AGAP1: variants seen among roughly 807,000 people sequenced by gnomAD.
AGAP1 encodes ArfGAP with GTPase domain, ankyrin repeat and PH domain 1, also known as arf-GAP with GTPase, ANK repeat and PH domain-containing protein 1.
A neutral mutation model predicts 105.3 loss-of-function variants in AGAP1; 29 were observed. The observed-to-expected ratio is 0.28, with a 90% CI of 0.21 to 0.38. AGAP1 has a LOEUF of 0.38. AGAP1 is among the 10% of genes least tolerant of loss of function. The pLI is 1.00. For missense variants in AGAP1, 998 were observed against 1,165.1 expected, an observed-to-expected ratio of 0.86 and a Z score of 2.09; for synonymous variants, 509 against 485.9, an observed-to-expected ratio of 1.05 and a Z score of -0.63.
rs141440628 is a variant in AGAP1 at position 235,999,978 on chromosome 2, A to G, written c.1645+31355A>G. Among the ~76,000 whole-genome samples the G allele has an allele frequency of 6.4e-3, 973 of 152,258 alleles. 6 individuals are homozygous for G. Among genetic ancestry groups the G allele is most frequent in the Middle Eastern group, 0.027 (8 of 294 alleles). The stretch of plus-strand genomic sequence containing the variant: ...AGTCATGAGTTCCGAATAGTCTCAT[A>G]GACCATTGATCCTGCTTCTAATGAC... On this transcript the variant is annotated intron_variant, in intron 13 of 17. Coordinates refer to ENST00000304032, the MANE Select transcript of AGAP1 (RefSeq NM_001037131.3).
intron 10 of AGAP1, among the ~76,000 whole-genome samples, chr2:235,907,288 T>G (rs2051352720): frequency 1.3e-5 from 2 of 152,104 alleles, no homozygotes; most frequent in Non-Finnish European, 2.9e-5. Context: ...GCATCCAGCA[T>G]GTGAGTTTAT....
intron 15 of AGAP1, among the ~76,000 whole-genome samples, chr2:236,047,264 G>A (rs59796843): frequency 0.02 from 3,073 of 152,196 alleles, 92 homozygotes; most frequent in African/African-American, 0.07. Context: ...GGAGGTAGAG[G>A]CCTGGTTGTC....
At chr2:235,784,042 T>C (rs374162704) in intron 6 of AGAP1, among the ~76,000 whole-genome samples, 1 of 152,188 alleles carries the variant, frequency 6.6e-6, no homozygotes, top group Admixed American at 6.5e-5. Context: ...AGCAACATGT[T>C]ACAATTATAA....
chr2:235,639,737 C>A lies in AGAP1; in HGVS notation c.164-69442C>A, dbSNP rs967221897. ...TCGCTGCATCTCGTGTTCTCAAAAT[C>A]AGCACATGCCATCCCACATTCTAGA... On this transcript the variant is annotated intron_variant, in intron 1 of 17. Coordinates refer to ENST00000304032, the MANE Select transcript of AGAP1 (RefSeq NM_001037131.3). The surrounding 1 kb of genome is among the most constrained non-coding windows in gnomAD (Gnocchi z 5.3). Among the ~76,000 whole-genome samples, 2 of 152,172 alleles carry A rather than the reference C, an allele frequency of 1.3e-5. No individual in the cohort carries two copies. Among genetic ancestry groups the A allele is most frequent in the Non-Finnish European group, 2.9e-5 (2 of 68,038 alleles).
Position 235,855,604 on chromosome 2 carries a change from C to G in AGAP1, c.1051-27741C>G, listed in dbSNP as rs894784504. ...TTTCCTTTAGATTCGTTGCCCTGAACTTTTGATTTTGATATTATAAATACA... is the reference window on the plus strand; with the variant it reads ...TTTCCTTTAGATTCGTTGCCCTGAAGTTTTGATTTTGATATTATAAATACA... On this transcript the variant is annotated intron_variant, in intron 9 of 17. Transcript: ENST00000304032. This position sits in a 1 kb window ranked among gnomAD's most constrained non-coding sequence, Gnocchi z 5.0. Among the ~76,000 whole-genome samples, 3 of 152,128 alleles carry G rather than the reference C, an allele frequency of 2.0e-5. No individual in the cohort carries two copies. Among genetic ancestry groups the G allele is most frequent in the African/African-American group, 7.2e-5 (3 of 41,420 alleles).
Position 236,027,929 on chromosome 2 carries a change from T to A in AGAP1, c.1646-8632T>A, listed in dbSNP as rs1377322536. Among the ~76,000 whole-genome samples, 1 of 152,102 alleles carries A rather than the reference T, an allele frequency of 6.6e-6. No individual in the cohort carries two copies. Among genetic ancestry groups the A allele is most frequent in the African/African-American group, 2.4e-5 (1 of 41,424 alleles). ...GCACAGCTTCCTGCCCACCACACTA[T>A]CACAGAGCTGTTGGTCCCGGGGATT... On this transcript the variant is annotated intron_variant, in intron 13 of 17. Coordinates refer to ENST00000304032, the MANE Select transcript of AGAP1 (RefSeq NM_001037131.3). This position sits in a 1 kb window ranked among gnomAD's most constrained non-coding sequence, Gnocchi z 4.4.
At chr2:235,807,184 C>T (rs1410678846) in intron 8 of AGAP1, 55 bp from the exon 9 acceptor site, 2 of 1,547,518 alleles carry the variant, frequency 1.3e-6, no homozygotes, top group Non-Finnish European at 1.8e-6. Context: ...GGGGCAGAGC[C>T]CCGTCTGTGA....
In AGAP1 at chr2:235,873,325, A is replaced by G. The variant is rs140540851; in HGVS notation, c.1051-10020A>G. On this transcript the variant is annotated intron_variant, in intron 9 of 17. Transcript: ENST00000304032. ...CCCGAGTCTGCTCATTTGTAGTCCA[A>G]TTGAACCTCTGATTATGACTGCTCC... Among the ~76,000 whole-genome samples, 40 of 152,320 alleles carry G rather than the reference A, an allele frequency of 2.6e-4. No individual in the cohort carries two copies. In the East Asian group the frequency reaches 5.4e-3, roughly 21 times the overall value.
At chr2:235,514,475 C>T (rs921306553) in intron 1 of AGAP1, among the ~76,000 whole-genome samples, 9 of 152,250 alleles carry the variant, frequency 5.9e-5, no homozygotes, top group African/African-American at 2.2e-4. Flanking sequence ...CCTGTGGCAC[C>T]TTCGCTGTGG....
rs114414893 is a variant in AGAP1 at position 235,756,291 on chromosome 2, C to A, written c.673+5803C>A. ...ATCTGTTCAATCGGGGAGACAGGAT[C>A]AGGGTTTTTTTGTTGGTTTTGACAT... On this transcript the variant is annotated intron_variant, in intron 6 of 17. Transcript: ENST00000304032. 4.1e-3 allele frequency among the ~76,000 whole-genome samples: 630 copies of A among 152,234 alleles called. 3 individuals are homozygous for A. Among genetic ancestry groups the A allele is most frequent in the African/African-American group, 0.015 (613 of 41,530 alleles).
Position 236,036,641 on chromosome 2 carries a change from C to T in AGAP1, c.1726C>T (p.Arg576Trp). 3 of 1,614,206 alleles carry T rather than the reference C, an allele frequency of 1.9e-6. No homozygotes were observed. The highest frequency in any genetic ancestry group is 2.5e-6 in the Non-Finnish European group (3 of 1,180,042). The change falls in exon 14 of 18, where the codon CGG (arginine) becomes TGG (tryptophan). Residue 576 changes from arginine to tryptophan, a missense_variant. Coordinates refer to ENST00000304032, the MANE Select transcript of AGAP1 (RefSeq NM_001037131.3). The surrounding 1 kb of genome is among the most constrained non-coding windows in gnomAD (Gnocchi z 5.7). ...WHFEATTYEE[R>W]DAWVQAIESQ... ...CTTTGAAGCCACGACGTATGAGGAG[C>T]GGGACGCCTGGGTCCAAGCCATCGA...
At position 235,983,306 on chromosome 2, in the gene AGAP1, C is replaced by T. The variant is rs1327042361; in HGVS notation, c.1645+14683C>T. Among the ~76,000 whole-genome samples, 3 of 152,200 alleles carry T rather than the reference C, an allele frequency of 2.0e-5. No individual in the cohort carries two copies. Among genetic ancestry groups the T allele is most frequent in the African/African-American group, 7.2e-5 (3 of 41,462 alleles). Reference sequence around the variant, plus strand: ...CCGGGGCAGGGGTCTGGGCAAGGGGCTTCTCCCCTTGCTAGGCCCCCTCCT... The same window carrying T: ...CCGGGGCAGGGGTCTGGGCAAGGGGTTTCTCCCCTTGCTAGGCCCCCTCCT... On this transcript the variant is annotated intron_variant, in intron 13 of 17. Coordinates refer to ENST00000304032, the MANE Select transcript of AGAP1 (RefSeq NM_001037131.3). This position sits in a 1 kb window ranked among gnomAD's most constrained non-coding sequence, Gnocchi z 4.5.
At chr2:235,541,260 G>A (rs1943423602) in intron 1 of AGAP1, among the ~76,000 whole-genome samples, 1 of 151,632 alleles carries the variant, frequency 6.6e-6, no homozygotes, top group Non-Finnish European at 1.5e-5. Flanking sequence ...TGGCTGAGGA[G>A]ACGTTTTACA....
rs78279620 is a variant in AGAP1, at chr2:235,574,411, A to G, written c.163+79562A>G. 9.0e-4 allele frequency among the ~76,000 whole-genome samples: 137 copies of G among 152,348 alleles called. No homozygotes were observed. The highest frequency in any genetic ancestry group is 3.0e-3 in the African/African-American group (125 of 41,594). On this transcript the variant is annotated intron_variant, in intron 1 of 17. Coordinates refer to ENST00000304032, the MANE Select transcript of AGAP1 (RefSeq NM_001037131.3). This position sits in a 1 kb window ranked among gnomAD's most constrained non-coding sequence, Gnocchi z 5.0. ...CTAAATGCATAAACTGTATAACGAA[A>G]TGTAATTAGTGAAGGTGCATTATCT...
chr2:235,909,058 C>G (rs963380618), intron 11 of AGAP1, 152 bp downstream of exon 11: 1 of 798,168 alleles, frequency 1.3e-6, no homozygotes, highest in African/African-American at 1.7e-5. Flanking sequence ...TGTGGCTGAT[C>G]ATTTCCTTTA....
rs1344654410 is a variant in AGAP1 at position 235,964,003 on chromosome 2, TAG to T, written c.1484-4458_1484-4457del. 6.6e-6 allele frequency among the ~76,000 whole-genome samples: 1 copy of T among 152,186 alleles called. No homozygotes were observed. Among genetic ancestry groups the T allele is most frequent in the East Asian group, 1.9e-4 (1 of 5,190 alleles). ...AGTTTATGATATAATGCACCTACTG[TAG>T]GCTCAGCATTGCACAAGTCACCACA... is the stretch of plus-strand genomic sequence containing the variant. On this transcript the variant is annotated intron_variant, in intron 12 of 17. Transcript: ENST00000304032. The surrounding 1 kb of genome is among the most constrained non-coding windows in gnomAD (Gnocchi z 4.6).
In AGAP1 at chr2:235,891,106, G is replaced by C. The variant is rs2050519816; in HGVS notation, c.1155+7657G>C. 6.6e-6 allele frequency among the ~76,000 whole-genome samples: 1 copy of C among 152,096 alleles called. No individual in the cohort carries two copies. Among genetic ancestry groups the C allele is most frequent in the South Asian group, 2.1e-4 (1 of 4,826 alleles). ...CCCTGGTTTTCTGCAGGACTGAGGG[G>C]TTCCCAGGGTGCAGGACTTTCATAG... On this transcript the variant is annotated intron_variant, in intron 10 of 17. Transcript: ENST00000304032. The surrounding 1 kb of genome is among the most constrained non-coding windows in gnomAD (Gnocchi z 4.2).
At chr2:235,560,038 C>T (rs1944096614) in intron 1 of AGAP1, among the ~76,000 whole-genome samples, 2 of 152,010 alleles carry the variant, frequency 1.3e-5, no homozygotes, top group South Asian at 2.1e-4. Flanking sequence ...ACTTTGGTGT[C>T]ATATTTAAGA....
Position 235,664,961 on chromosome 2 carries a change from C to G in AGAP1, c.164-44218C>G, listed in dbSNP as rs997742300. On this transcript the variant is annotated intron_variant, in intron 1 of 17. Transcript: ENST00000304032. This position sits in a 1 kb window ranked among gnomAD's most constrained non-coding sequence, Gnocchi z 5.7. ...GTTAGCCAAGCATGGTGGCTCACGCCTGTAATCCCAGCACTTTAGGAGGCC... is the reference window on the plus strand; with the variant it reads ...GTTAGCCAAGCATGGTGGCTCACGCGTGTAATCCCAGCACTTTAGGAGGCC... Among the ~76,000 whole-genome samples, 19 of 152,172 alleles carry G rather than the reference C, an allele frequency of 1.2e-4. No individual in the cohort carries two copies. Among genetic ancestry groups the G allele is most frequent in the Non-Finnish European group, 1.5e-4 (10 of 68,034 alleles).
Sources: gnomAD v4.1 joint callset for allele counts (sites outside exome capture counted in the v4.1 genomes callset) on GRCh38, gnomAD v4.1.1 for gene constraint, Gnocchi (gnomAD v3.1) non-coding constraint, MANE v1.5 for transcripts, NCBI Gene and HGNC (gene_info 2026-07-23, HGNC 2026-07-21) for gene names.